Variants in RNF14 observed in about 807,000 individuals in gnomAD.
RNF14 encodes the protein E3 ubiquitin-protein ligase RNF14.
RNF14 carries 26 observed loss-of-function variants against 52.6 expected under a neutral mutation model. The observed-to-expected ratio is 0.49, with a 90% confidence interval of 0.36 to 0.69. RNF14 has a LOEUF of 0.69. Ranked by LOEUF, RNF14 falls within the 30% of genes least tolerant of loss-of-function variation. RNF14 has a pLI of 0.00. For synonymous variants in RNF14, 194 were observed against 202.0 expected (o/e 0.96, Z 0.34); for missense variants, 404 against 560.4 (o/e 0.72, Z 2.82).
the RNF14 span, chr5:141,952,583 A>C: frequency 6.6e-6 from 1 of 152,268 alleles, no homozygotes; most frequent in African/African-American, 2.4e-5. Context: ...TATCACGGCC[A>C]GACCCTATAG....
At chr5:141,968,555 T>G (rs2126953452), upstream of RNF14, among the ~76,000 whole-genome samples, 1 of 152,360 alleles carries the variant, frequency 6.6e-6, no homozygotes, top group Admixed American at 6.5e-5. Context: ...TTCTTGCACC[T>G]AAGTCTCAAT....
At chr5:141,955,221 G>A, upstream of RNF14, 1 of 1,614,222 alleles carries the variant, frequency 6.2e-7, no homozygotes, top group South Asian at 1.1e-5. The surrounding 1 kb of genome is among the most constrained non-coding windows in gnomAD (Gnocchi z 5.5). Context: ...TCAGAGGCCT[G>A]GAACGTGGCT....
In RNF14 at chr5:141,973,545, G is replaced by C. The variant is rs768180645; in HGVS notation, c.-6-38G>C. ...GAGCCACCACACCCGGCCAGCCTCT[G>C]TGCATTTTCTGTTCTTAACTGATTT... On this transcript the variant is annotated intron_variant, in intron 2 of 8. Coordinates refer to ENST00000394520, the MANE Select transcript of RNF14 (RefSeq NM_004290.5). The C allele has an allele frequency of 5.7e-6, 9 of 1,575,908 alleles. No homozygotes were observed. In the East Asian group the frequency reaches 6.8e-5, roughly 12 times the overall value.
At chr5:141,975,017 G>C in intron 4 of RNF14, 62 bp downstream of exon 4, 2 of 1,526,256 alleles carry the variant, frequency 1.3e-6, no homozygotes, top group Middle Eastern at 1.7e-4. Flanking sequence ...ACCTTTAATT[G>C]AAGACTATCT....
upstream of RNF14, chr5:141,955,802 G>T (rs762460872): frequency 6.2e-7 from 1 of 1,613,860 alleles, no homozygotes; most frequent in Admixed American, 1.7e-5. This position sits in a 1 kb window ranked among gnomAD's most constrained non-coding sequence, Gnocchi z 5.5. Flanking sequence ...GTCTGTAAGG[G>T]GGGGCTTCCC....
chr5:141,951,411 C>T, the RNF14 span: 1 of 1,034,408 alleles, frequency 9.7e-7, no homozygotes, highest in Non-Finnish European at 1.5e-6. Flanking sequence ...TGTGCTCACC[C>T]TTCCTCACTC....
At chr5:141,966,287 A>AAAAAC (rs1255588563), upstream of RNF14, among the ~76,000 whole-genome samples, 4 of 152,218 alleles carry the variant, frequency 2.6e-5, no homozygotes, top group Non-Finnish European at 5.9e-5. Context: ...ACTCGGTCTC[A>AAAAAC]AAAACAAAAC....
the RNF14 span, chr5:141,949,504 C>T: frequency 1.9e-6 from 3 of 1,614,042 alleles, no homozygotes; most frequent in Non-Finnish European, 1.7e-6. Flanking sequence ...TCTTCAGGAT[C>T]CAAAGGCCCT....
intron 8 of RNF14, among the ~76,000 whole-genome samples, chr5:141,986,408 TGGAG>T (rs1391133709): frequency 1.3e-5 from 2 of 152,194 alleles, no homozygotes; most frequent in Non-Finnish European, 2.9e-5. Context: ...ATTCTACAAA[TGGAG>T]GGTGCAAGGA....
upstream of RNF14, among the ~76,000 whole-genome samples, chr5:141,966,200 G>A (rs994410118): frequency 2.6e-5 from 4 of 152,028 alleles, no homozygotes; most frequent in Non-Finnish European, 4.4e-5. Flanking sequence ...AGAATCGCTT[G>A]AACCCTCTAC....
chr5:141,951,916 A>G, the RNF14 span, among the ~76,000 whole-genome samples: 2 of 152,246 alleles, frequency 1.3e-5, no homozygotes, highest in African/African-American at 2.4e-5. Flanking sequence ...TTTCCTGACC[A>G]TCAATTTGTT....
chr5:141,960,912 C>G (rs938769219), intron 1 of RNF14, among the ~76,000 whole-genome samples: 5 of 152,068 alleles, frequency 3.3e-5, no homozygotes, highest in African/African-American at 1.2e-4. Context: ...ATCTGGTGGC[C>G]AAAGGCAGAG....
chr5:141,983,786 C>A (rs1193624708), intron 7 of RNF14, among the ~76,000 whole-genome samples: 1 of 151,904 alleles, frequency 6.6e-6, no homozygotes, highest in Non-Finnish European at 1.5e-5. Context: ...ACATTGTATC[C>A]ACCTCAAAAT....
chr5:141,954,850 T>G (rs1753146665), upstream of RNF14: 2 of 1,304,940 alleles, frequency 1.5e-6, no homozygotes, highest in Non-Finnish European at 2.1e-6. Flanking sequence ...ACCCAAAGCA[T>G]CAGAAAGTGC....
intron 4 of RNF14, among the ~76,000 whole-genome samples, chr5:141,975,237 A>G (rs1395787910): frequency 2.0e-5 from 3 of 152,130 alleles, no homozygotes; most frequent in Non-Finnish European, 4.4e-5. Context: ...TTCCTGTTTA[A>G]TCTGTATTAT....
chr5:141,971,666 G>A (rs574543667), intron 2 of RNF14, among the ~76,000 whole-genome samples: 1 of 107,560 alleles, frequency 9.3e-6, no homozygotes, highest in Admixed American at 1.1e-4. Context: ...TTTGGAGACA[G>A]AGTCTGTCTC....
At chr5:141,966,306 A>G (rs1484791803), upstream of RNF14, among the ~76,000 whole-genome samples, 1 of 152,186 alleles carries the variant, frequency 6.6e-6, no homozygotes, top group East Asian at 1.9e-4. Context: ...ACAAAACCCC[A>G]AAGTATAATA....
upstream of RNF14, among the ~76,000 whole-genome samples, chr5:141,954,041 C>T (rs1363545899): frequency 1.3e-5 from 2 of 152,214 alleles, no homozygotes; most frequent in African/African-American, 4.8e-5. Flanking sequence ...TTTTGACACT[C>T]ATCATCCCAT....
At chr5:141,957,258 C>T (rs1401355313), upstream of RNF14, 2 of 1,614,052 alleles carry the variant, frequency 1.2e-6, no homozygotes, top group Non-Finnish European at 1.7e-6. This position sits in a 1 kb window ranked among gnomAD's most constrained non-coding sequence, Gnocchi z 4.3. Flanking sequence ...GCTCCTTCAC[C>T]ACTATGAGTT....
Sources: allele counts gnomAD v4.1 joint callset (sites outside exome capture counted in the v4.1 genomes callset), GRCh38; gene constraint gnomAD v4.1.1; non-coding constraint Gnocchi (gnomAD v3.1); transcripts MANE v1.5; gene names NCBI Gene and HGNC (gene_info 2026-07-23, HGNC 2026-07-21).